The following ERICH1 variants were observed in gnomAD, a reference collection of about 807,000 sequenced individuals.
ERICH1 encodes glutamate-rich protein 1.
In ERICH1, 56 loss-of-function variants were observed where a neutral mutation model predicts 39.6. The observed-to-expected ratio is 1.41, with a 90% CI of 1.14 to 1.77. The LOEUF (loss-of-function observed/expected upper bound fraction) is 1.77. Among genes scored for constraint, ERICH1 ranks in the 40% most tolerant of loss-of-function variants. ERICH1 has a pLI of 0.00. For missense variants in ERICH1, 826 were observed against 575.4 expected, an observed-to-expected ratio of 1.44 and a Z score of -4.45; for synonymous variants, 313 against 223.6, an observed-to-expected ratio of 1.40 and a Z score of -3.57.
chr8:697,043 G>T (rs10093234), intron 2 of ERICH1, among the ~76,000 whole-genome samples: 2 of 152,020 alleles, frequency 1.3e-5, no homozygotes, highest in East Asian at 3.9e-4. Context: ...CCTGTCCTCA[G>T]GGTGACTTCC....
intron 3 of ERICH1, among the ~76,000 whole-genome samples, chr8:656,355 T>C (rs973190522): frequency 3.3e-5 from 5 of 152,186 alleles, no homozygotes; most frequent in African/African-American, 1.2e-4. Context: ...CCCCAAAATA[T>C]CTGACCCAGT....
At chr8:662,106 GATTCTGTGGA>G (rs1801507027), downstream of ERICH1, among the ~76,000 whole-genome samples, 1 of 151,682 alleles carries the variant, frequency 6.6e-6, no homozygotes, top group African/African-American at 2.4e-5. Flanking sequence ...AACCTACAGG[GATTCTGTGGA>G]ACCCAGGAAA....
intron 3 of ERICH1, among the ~76,000 whole-genome samples, chr8:677,162 C>G (rs1266826566): frequency 6.6e-6 from 1 of 152,250 alleles, no homozygotes; most frequent in Non-Finnish European, 1.5e-5. Flanking sequence ...AGCTGTGACG[C>G]AGTCCCACCC....
chr8:625,790 G>C (rs957241366), intron 3 of ERICH1: 1 of 152,138 alleles, frequency 6.6e-6, no homozygotes, highest in African/African-American at 2.4e-5. Context: ...CTTGTGTCCC[G>C]CCTCGCCGGG....
At chr8:694,872 C>T (rs1055366926) in intron 2 of ERICH1, among the ~76,000 whole-genome samples, 2 of 152,160 alleles carry the variant, frequency 1.3e-5, no homozygotes, top group Admixed American at 1.3e-4. Context: ...GTCCCATCAT[C>T]TCCTCCGCCG....
chr8:709,491 C>G (rs1428194794), intron 2 of ERICH1, among the ~76,000 whole-genome samples: 1 of 152,212 alleles, frequency 6.6e-6, no homozygotes, highest in Admixed American at 6.5e-5. Flanking sequence ...GGCTCGTGCA[C>G]CCAACCTTCT....
intron 3 of ERICH1, among the ~76,000 whole-genome samples, chr8:621,533 A>G (rs1784432813): frequency 6.6e-6 from 1 of 151,726 alleles, no homozygotes; most frequent in Admixed American, 6.6e-5. Context: ...AAATAATTAA[A>G]AAGAGAAAGG....
At chr8:617,188 G>A (rs564735384) in intron 3 of ERICH1, among the ~76,000 whole-genome samples, 1 of 152,188 alleles carries the variant, frequency 6.6e-6, no homozygotes, top group Non-Finnish European at 1.5e-5. Context: ...GGGACCACAC[G>A]ATTCCAAGAG....
In ERICH1 at chr8:674,025, T is replaced by C. The variant is rs140363023; in HGVS notation, c.327A>G (p.Pro109=). 1,875 of 1,566,254 alleles carry C rather than the reference T, an allele frequency of 1.2e-3. 2 individuals are homozygous for C. The highest frequency in any genetic ancestry group is 1.5e-3 in the Non-Finnish European group (1,767 of 1,169,396). Residue 109 remains proline, a synonymous_variant, in exon 4 of 6, where the codon CCA becomes CCG. Coordinates refer to ENST00000262109, the MANE Select transcript of ERICH1 (RefSeq NM_207332.3). ...DTEDQDPHDQ[P]KRRRIRKHKS... ...TATGCTTCCTAATTCTTCTTCTCTT[T>C]GGCTGGTCATGAGGATCCTGATCTG...
intron 3 of ERICH1, among the ~76,000 whole-genome samples, chr8:657,269 C>T (rs1214788143): frequency 6.6e-6 from 1 of 152,120 alleles, no homozygotes; most frequent in Middle Eastern, 3.2e-3. Flanking sequence ...AGCCTTTTCT[C>T]TTGGAGACTA....
chr8:616,428 CA>C (rs1563156117), intron 3 of ERICH1: 1 of 427,370 alleles, frequency 2.3e-6, no homozygotes, highest in East Asian at 7.2e-5. Flanking sequence ...GAACCCCGCA[CA>C]CCCCATGCTC....
intron 3 of ERICH1, chr8:640,741 G>A (rs765376467): frequency 7.2e-5 from 11 of 152,180 alleles, no homozygotes; most frequent in Non-Finnish European, 1.6e-4. Context: ...CATCGGTGTT[G>A]GTTCCTTGGG....
downstream of ERICH1, among the ~76,000 whole-genome samples, chr8:659,816 T>G: frequency 6.3e-5 from 3 of 47,428 alleles, no homozygotes; most frequent in African/African-American, 2.3e-4. Context: ...ACCATCGAGA[T>G]CTCCGGTGTG....
chr8:640,225 G>A (rs1186232059), intron 3 of ERICH1, among the ~76,000 whole-genome samples: 1 of 152,200 alleles, frequency 6.6e-6, no homozygotes, highest in Non-Finnish European at 1.5e-5. Flanking sequence ...TGAAAAGGCA[G>A]CAGATGCTCC....
chr8:633,293 G>A (rs762761747), intron 3 of ERICH1, among the ~76,000 whole-genome samples: 1 of 152,190 alleles, frequency 6.6e-6, no homozygotes, highest in Non-Finnish European at 1.5e-5. Flanking sequence ...GTGTATTGCA[G>A]CATTGCCATA....
At chr8:714,854 A>C (rs919343236) in intron 2 of ERICH1, among the ~76,000 whole-genome samples, 5 of 143,560 alleles carry the variant, frequency 3.5e-5, no homozygotes, top group Non-Finnish European at 7.6e-5. Flanking sequence ...TGTGCTGTAC[A>C]TAGGTGGTCT....
chr8:729,948 A>C (rs893870002), intron 1 of ERICH1, among the ~76,000 whole-genome samples: 10 of 152,132 alleles, frequency 6.6e-5, no homozygotes, highest in African/African-American at 2.2e-4. Flanking sequence ...GTGGTTTAAA[A>C]CAAGGAGAAA....
intron 3 of ERICH1, among the ~76,000 whole-genome samples, chr8:633,711 G>A (rs775368504): frequency 6.6e-6 from 1 of 152,214 alleles, no homozygotes; most frequent in Non-Finnish European, 1.5e-5. Context: ...CAGAGGCGAG[G>A]ACCCAGAAAT....
At chr8:662,992 A>G (rs1273526665), downstream of ERICH1, among the ~76,000 whole-genome samples, 1 of 152,222 alleles carries the variant, frequency 6.6e-6, no homozygotes, top group Non-Finnish European at 1.5e-5. Flanking sequence ...CCCTGTCTGG[A>G]GCAGCCTGCG....
Sources: gnomAD v4.1 joint callset for allele counts (sites outside exome capture counted in the v4.1 genomes callset) on GRCh38, gnomAD v4.1.1 for gene constraint, MANE v1.5 for transcripts, NCBI Gene and HGNC (gene_info 2026-07-23, HGNC 2026-07-21) for gene names.